ECSIT: variants seen among roughly 807,000 people sequenced by gnomAD.
ECSIT encodes evolutionarily conserved signaling intermediate in Toll pathway, mitochondrial.
A neutral mutation model predicts 36.8 loss-of-function variants in ECSIT; 29 were observed. The ratio of observed to expected loss-of-function variants is 0.79; its 90% CI spans 0.59 to 1.08. ECSIT has a LOEUF of 1.08. ECSIT is among the 50% of genes least tolerant of loss of function. The pLI is 0.00. For missense variants in ECSIT, 542 were observed against 581.0 expected (o/e 0.93, Z 0.69); for synonymous variants, 231 against 234.8 (o/e 0.98, Z 0.15).
chr19:11,520,872 C>A (rs1972089219), intron 1 of ECSIT, among the ~76,000 whole-genome samples: 1 of 151,332 alleles, frequency 6.6e-6, no homozygotes, highest in African/African-American at 2.4e-5. Context: ...ATGGCATGAT[C>A]TTGGCTCACT....
At chr19:11,520,122 A>G (rs914820018) in intron 1 of ECSIT, among the ~76,000 whole-genome samples, 28 of 152,104 alleles carry the variant, frequency 1.8e-4, no homozygotes, top group African/African-American at 6.8e-4. Flanking sequence ...GGAATCTGGA[A>G]TCACAAGTGC....
intron 1 of ECSIT, among the ~76,000 whole-genome samples, chr19:11,521,021 G>T (rs1972092217): frequency 6.6e-6 from 1 of 152,110 alleles, no homozygotes; most frequent in Admixed American, 6.6e-5. Flanking sequence ...GGCCAGGCTG[G>T]TCTTGAACTC....
In ECSIT at chr19:11,513,038, G is replaced by A. The variant is rs202138471; in HGVS notation, c.738+18C>T. On this transcript the variant is annotated intron_variant, in intron 4 of 7. Transcript: ENST00000270517. ...CTGGCCTGGGGTGGCAGCTGACGCT[G>A]TAGACAAGGGCGGATACCTGGTAGA... 5.5e-5 allele frequency: 88 copies of A among 1,612,362 alleles called. No individual in the cohort carries two copies. The Middle Eastern group carries it at 4.8e-3, about 88-fold the overall frequency.
At position 11,519,784 on chromosome 19, in the gene ECSIT, A is replaced by G. The variant is rs59855845; in HGVS notation, c.-23-591T>C. On this transcript the variant is annotated intron_variant, in intron 1 of 7. Coordinates refer to ENST00000270517, the MANE Select transcript of ECSIT (RefSeq NM_016581.5). The surrounding 1 kb of genome is among the most constrained non-coding windows in gnomAD (Gnocchi z 4.4). ...GGAGTTCGAGACCAGCCTGACCAAC[A>G]TGGAGAAACCCCATCGCTACTAAAA... The G allele has an allele frequency of 0.11, 17,367 of 153,472 alleles. 2,533 individuals are homozygous for G. Among genetic ancestry groups the G allele is most frequent in the African/African-American group, 0.34 (14,241 of 41,396 alleles). 9.5% of individuals were successfully genotyped at this position (153,472 alleles called of 1,614,324 possible). A position where few individuals can be genotyped will look rare whatever the true frequency, so the allele number is the denominator to read the frequency against.
rs569776391 is a variant in ECSIT, at chr19:11,522,886, C to A, written c.-23-3693G>T. On this transcript the variant is annotated intron_variant, in intron 1 of 7. Coordinates refer to ENST00000270517, the MANE Select transcript of ECSIT (RefSeq NM_016581.5). Reference sequence around the variant, plus strand: ...GAGATCGAGACCATCCTGGTTAACACGGTGAAACCCCATCTCTACTAAAAA... The same window carrying A: ...GAGATCGAGACCATCCTGGTTAACAAGGTGAAACCCCATCTCTACTAAAAA... Among the ~76,000 whole-genome samples, 118 of 151,924 alleles carry A rather than the reference C, an allele frequency of 7.8e-4. 1 individual carries two copies. The highest frequency in any genetic ancestry group is 2.7e-3 in the African/African-American group (110 of 41,466).
Position 11,506,382 on chromosome 19 carries a change from G to A in ECSIT, c.1098C>T (p.Asp366=). The part of the protein sequence containing the change: ...VFAMCMAGAH[D]QATMAKWIQG... The stretch of plus-strand genomic sequence containing the variant: ...GGATCCACTTAGCCATCGTCGCCTG[G>A]TCATGAGCACCCGCCATGCACATGG... Residue 366 remains aspartate (D), a synonymous_variant, in exon 8 of 8, where the codon GAC becomes GAT. Transcript: ENST00000270517. 1.2e-6 allele frequency: 2 copies of A among 1,613,658 alleles called. No homozygotes were observed. The highest frequency in any genetic ancestry group is 1.1e-5 in the South Asian group (1 of 91,084).
chr19:11,513,528 G>A (rs113155094), intron 3 of ECSIT, among the ~76,000 whole-genome samples: 2,911 of 134,204 alleles, frequency 0.022, 107 homozygotes, highest in African/African-American at 0.096. Flanking sequence ...CTAAAAGAAA[G>A]AGAGAAAGAG....
At chr19:11,514,831 T>A (rs946459831) in intron 2 of ECSIT, among the ~76,000 whole-genome samples, 2 of 150,978 alleles carry the variant, frequency 1.3e-5, no homozygotes, top group African/African-American at 4.9e-5. Context: ...TGGCCCTTTT[T>A]GCTTGTAATT....
chr19:11,515,328 C>A (rs1435908604), intron 2 of ECSIT, among the ~76,000 whole-genome samples: 1 of 151,568 alleles, frequency 6.6e-6, no homozygotes, highest in African/African-American at 2.4e-5. Context: ...TGGTCTCGAT[C>A]TCCTGACCTC....
In ECSIT at chr19:11,519,331, G is replaced by C. The variant is rs1972057268; in HGVS notation, c.-23-138C>G. 1.4e-6 allele frequency: 1 copy of C among 690,824 alleles called. No homozygotes were observed. 42.8% of individuals were successfully genotyped at this position (690,824 alleles called of 1,614,324 possible). On this transcript the variant is annotated intron_variant, in intron 1 of 7. Transcript: ENST00000270517. The surrounding 1 kb of genome is among the most constrained non-coding windows in gnomAD (Gnocchi z 4.4). ...CAATGTTTACCTTACCCAAGAAACA[G>C]GCTGATGACTCAAAGACTTTGTTCT...
At chr19:11,506,536 T>TC in intron 7 of ECSIT, 108 bp from the exon 8 acceptor site, 1 of 1,340,236 alleles carries the variant, frequency 7.5e-7, no homozygotes, top group East Asian at 2.6e-5. Flanking sequence ...TTCCTTTTTT[T>TC]TTTTTTTTTT....
intron 2 of ECSIT, chr19:11,516,261 C>T (rs1222302992): frequency 6.6e-6 from 1 of 151,854 alleles, no homozygotes; most frequent in East Asian, 1.9e-4. Context: ...CACAACAGCC[C>T]AGAACTCCTG....
Position 11,519,322 on chromosome 19 carries a change from C to A in ECSIT, c.-23-129G>T. 1.4e-6 allele frequency: 1 copy of A among 703,082 alleles called. No homozygotes were observed. Among genetic ancestry groups the A allele is most frequent in the Non-Finnish European group, 2.5e-6 (1 of 393,424 alleles). 43.6% of individuals were successfully genotyped at this position (703,082 alleles called of 1,614,324 possible). On this transcript the variant is annotated intron_variant, in intron 1 of 7. Coordinates refer to ENST00000270517, the MANE Select transcript of ECSIT (RefSeq NM_016581.5). This position sits in a 1 kb window ranked among gnomAD's most constrained non-coding sequence, Gnocchi z 4.4. ...CACCAGCCCCAATGTTTACCTTACC[C>A]AAGAAACAGGCTGATGACTCAAAGA...
Position 11,505,978 on chromosome 19 carries a change from C to G in ECSIT, c.*206G>C. On this transcript the variant is annotated 3_prime_UTR_variant, in exon 8 of 8. Transcript: ENST00000270517. ...CCCCTTTTTATTTGAATTCGGAGAA[C>G]CAGAGGCGCCTGCAGATTCTGGAGG... is the stretch of plus-strand genomic sequence containing the variant. The G allele has an allele frequency of 1.0e-6, 1 of 977,988 alleles. No homozygotes were observed. Among genetic ancestry groups the G allele is most frequent in the Non-Finnish European group, 1.5e-6 (1 of 676,010 alleles). 60.6% of individuals were successfully genotyped at this position (977,988 alleles called of 1,614,324 possible). A position where few individuals can be genotyped will look rare whatever the true frequency, so the allele number is the denominator to read the frequency against.
At chr19:11,522,160 G>A in intron 1 of ECSIT, 1 of 438,064 alleles carries the variant, frequency 2.3e-6, no homozygotes, top group Non-Finnish European at 4.2e-6. Flanking sequence ...GTCAACTGTG[G>A]GCAGGCATTC....
chr19:11,518,570 T>C (rs937824146), intron 2 of ECSIT, among the ~76,000 whole-genome samples: 3 of 151,528 alleles, frequency 2.0e-5, no homozygotes, highest in Admixed American at 6.6e-5. Context: ...GCCTGGGTGA[T>C]AGAGCAAGAC....
intron 1 of ECSIT, among the ~76,000 whole-genome samples, chr19:11,520,609 G>A (rs1177630381): frequency 1.3e-5 from 2 of 151,752 alleles, no homozygotes; most frequent in African/African-American, 4.8e-5. Context: ...CTGCTTTCCG[G>A]GCTCACGATT....
At chr19:11,510,748 C>T (rs1971853850) in intron 4 of ECSIT, 1 of 151,928 alleles carries the variant, frequency 6.6e-6, no homozygotes, top group Non-Finnish European at 1.5e-5. Flanking sequence ...AAGAAATGAA[C>T]TAAAAACAAC....
intron 4 of ECSIT, 33 bp downstream of exon 4, chr19:11,513,023 G>T (rs1261797219): frequency 1.2e-6 from 2 of 1,604,182 alleles, no homozygotes; most frequent in African/African-American, 2.7e-5. Flanking sequence ...CTGGCCTGGG[G>T]TGGCAGCTGA....
Sources: allele counts gnomAD v4.1 joint callset (sites outside exome capture counted in the v4.1 genomes callset), GRCh38; gene constraint gnomAD v4.1.1; non-coding constraint Gnocchi (gnomAD v3.1); transcripts MANE v1.5; gene names NCBI Gene and HGNC (gene_info 2026-07-23, HGNC 2026-07-21).